The following ANXA8 variants were observed in gnomAD, a reference collection of about 807,000 sequenced individuals.
ANXA8 encodes the protein annexin A8.
Under a neutral mutation model 26.8 loss-of-function variants are expected in ANXA8, and 9 were observed. That is an observed-to-expected ratio of 0.34 (90% CI 0.20 to 0.59). The LOEUF (loss-of-function observed/expected upper bound fraction) is 0.59. ANXA8 is among the 20% of genes least tolerant of loss of function. ANXA8 has a pLI of 0.84. For missense variants in ANXA8, 83 were observed against 238.5 expected (o/e 0.35, Z 4.29); for synonymous variants, 39 against 94.8 (o/e 0.41, Z 3.42).
At chr10:47,469,237 A>G (rs1426313579) in intron 11 of ANXA8, among the ~76,000 whole-genome samples, 1 of 146,834 alleles carries the variant, frequency 6.8e-6, no homozygotes, top group African/African-American at 2.6e-5. Context: ...CCATTCATTT[A>G]CACAACAGGA....
At chr10:47,764,015 G>A in the ANXA8 span, among the ~76,000 whole-genome samples, 8 of 151,904 alleles carry the variant, frequency 5.3e-5, no homozygotes, top group Non-Finnish European at 1.2e-4. Flanking sequence ...CCACTGGGCC[G>A]GGTCTGGGAG....
At chr10:47,547,325 G>C in the ANXA8 span, among the ~76,000 whole-genome samples, 3 of 142,104 alleles carry the variant, frequency 2.1e-5, no homozygotes, top group African/African-American at 7.7e-5. Flanking sequence ...ACACCTTCAA[G>C]ATATATTACA....
the ANXA8 span, among the ~76,000 whole-genome samples, chr10:47,939,972 TC>T: frequency 1.4e-5 from 2 of 139,228 alleles, no homozygotes; most frequent in Non-Finnish European, 3.1e-5. Flanking sequence ...ACCCCCTCAC[TC>T]CCACCCCATG....
chr10:47,689,471 C>T, the ANXA8 span, among the ~76,000 whole-genome samples: 5 of 151,980 alleles, frequency 3.3e-5, no homozygotes, highest in South Asian at 2.1e-4. Flanking sequence ...CCACTGCGCC[C>T]GGCCTAAAGA....
At chr10:47,495,846 G>C in the ANXA8 span, among the ~76,000 whole-genome samples, 1 of 151,470 alleles carries the variant, frequency 6.6e-6, no homozygotes, top group South Asian at 2.1e-4. Flanking sequence ...ACCCAGGGGG[G>C]AATCTTCACT....
chr10:47,697,142 A>G, the ANXA8 span, among the ~76,000 whole-genome samples: 1 of 152,280 alleles, frequency 6.6e-6, no homozygotes, highest in Middle Eastern at 3.4e-3. Context: ...GGGAAACAGT[A>G]TAAACTTGTG....
chr10:47,500,986 T>C, the ANXA8 span, among the ~76,000 whole-genome samples: 3 of 138,110 alleles, frequency 2.2e-5, no homozygotes, highest in Non-Finnish European at 4.6e-5. Flanking sequence ...CTCCGCCTCC[T>C]GGGTTCACGC....
chr10:47,940,253 A>T, the ANXA8 span, among the ~76,000 whole-genome samples: 3 of 146,604 alleles, frequency 2.0e-5, no homozygotes, highest in Non-Finnish European at 4.4e-5. Context: ...GTAGGTTGTT[A>T]TCTCCTGGGC....
At chr10:47,572,611 G>A in the ANXA8 span, among the ~76,000 whole-genome samples, 2 of 149,670 alleles carry the variant, frequency 1.3e-5, no homozygotes, top group African/African-American at 5.0e-5. Flanking sequence ...CAGCTACTCA[G>A]GAGGCTAAGG....
At chr10:47,639,771 T>A in the ANXA8 span, among the ~76,000 whole-genome samples, 2 of 147,996 alleles carry the variant, frequency 1.4e-5, no homozygotes, top group Non-Finnish European at 3.0e-5. Context: ...AATTGGATAA[T>A]AAGTCCTTTT....
chr10:47,485,549 T>C (rs1840022010), upstream of ANXA8, among the ~76,000 whole-genome samples: 1 of 152,158 alleles, frequency 6.6e-6, no homozygotes, highest in Admixed American at 6.5e-5. Context: ...TCCAGAAGTA[T>C]GGTGAGCAAC....
At chr10:47,605,879 A>G in the ANXA8 span, among the ~76,000 whole-genome samples, 2 of 145,356 alleles carry the variant, frequency 1.4e-5, no homozygotes, top group African/African-American at 2.6e-5. Context: ...ACTTTTGAAT[A>G]TATAAAATAG....
the ANXA8 span, among the ~76,000 whole-genome samples, chr10:47,955,044 G>T: frequency 2.2e-4 from 32 of 146,526 alleles, no homozygotes; most frequent in South Asian, 6.8e-3. Flanking sequence ...ATGTGTTGTG[G>T]GAGGGACCCA....
the ANXA8 span, among the ~76,000 whole-genome samples, chr10:47,513,063 T>G: frequency 3.7e-5 from 4 of 108,336 alleles, no homozygotes; most frequent in African/African-American, 4.0e-5. Flanking sequence ...GATGGAGTCT[T>G]GCTCTGTTGC....
At chr10:47,572,863 G>A in the ANXA8 span, among the ~76,000 whole-genome samples, 2 of 151,700 alleles carry the variant, frequency 1.3e-5, no homozygotes, top group Non-Finnish European at 1.5e-5. Flanking sequence ...GTTTTGGGTG[G>A]GTGAAGCTGT....
chr10:47,977,586 G>A, the ANXA8 span, among the ~76,000 whole-genome samples: 1 of 151,714 alleles, frequency 6.6e-6, no homozygotes, highest in Non-Finnish European at 1.5e-5. Flanking sequence ...TGACAATGAT[G>A]TCTTACCAAA....
the ANXA8 span, among the ~76,000 whole-genome samples, chr10:47,973,924 T>G: frequency 1.3e-5 from 2 of 151,140 alleles, no homozygotes; most frequent in African/African-American, 4.8e-5. Flanking sequence ...TTGGTAGGTT[T>G]TTTATTATTG....
the ANXA8 span, chr10:47,553,601 T>G: frequency 6.3e-6 from 1 of 159,908 alleles, no homozygotes; most frequent in Non-Finnish European, 1.5e-5. Flanking sequence ...CCTGGATGAC[T>G]TTCAGGGGAC....
chr10:47,952,409 G>A, the ANXA8 span, among the ~76,000 whole-genome samples: 14,843 of 131,440 alleles, frequency 0.11, 24 homozygotes, highest in Middle Eastern at 0.13. Context: ...AGCGAATTTA[G>A]CAAGGTCATA....
Sources: gnomAD v4.1 joint callset for allele counts (sites outside exome capture counted in the v4.1 genomes callset) on GRCh38, gnomAD v4.1.1 for gene constraint, MANE v1.5 for transcripts, NCBI Gene and HGNC (gene_info 2026-07-23, HGNC 2026-07-21) for gene names.